The following SEC16B variants were observed in gnomAD, a reference collection of about 807,000 sequenced individuals.
SEC16B encodes the protein SEC16 homolog B, endoplasmic reticulum export factor, also known as protein transport protein Sec16B.
A neutral mutation model predicts 141.8 loss-of-function variants in SEC16B; 115 were observed. That is an observed-to-expected ratio of 0.81 (90% confidence interval 0.70 to 0.95). The LOEUF (loss-of-function observed/expected upper bound fraction) is 0.95, where lower values mean the gene tolerates loss of function less well. Ranked by LOEUF, SEC16B falls within the 40% of genes least tolerant of loss-of-function variation. The pLI, the probability that SEC16B is intolerant of heterozygous loss-of-function variation, is 0.00. For missense variants in SEC16B, 1,291 were observed against 1,312.3 expected, an observed-to-expected ratio of 0.98 and a Z score of 0.25; for synonymous variants, 493 against 492.5, an observed-to-expected ratio of 1.00 and a Z score of -0.01.
rs1378192157 is a variant in SEC16B, at chr1:177,933,994, C to CCCG, written c.2572-359_2572-358insCGG. Among the ~76,000 whole-genome samples, 283 of 150,340 alleles carry CCCG rather than the reference C, an allele frequency of 1.9e-3. 2 individuals carry two copies. Among genetic ancestry groups the CCCG allele is most frequent in the African/African-American group, 6.8e-3 (278 of 40,676 alleles). ...ACCCACAGAGGCCCACAAGCTCCCC[C>CCCG]CAAAAAAAAAAAAACAGAGAATGTA... On this transcript the variant is annotated intron_variant, in intron 20 of 25. Transcript: ENST00000308284.
upstream of SEC16B, among the ~76,000 whole-genome samples, chr1:177,970,780 C>T (rs3813655): frequency 0.14 from 22,026 of 152,198 alleles, 1,932 homozygotes; most frequent in East Asian, 0.42. Context: ...CACATGACTA[C>T]TTCTGAATTA....
Position 177,940,214 on chromosome 1 carries a change from G to A in SEC16B, c.2127+396C>T, listed in dbSNP as rs11804616. On this transcript the variant is annotated intron_variant, in intron 17 of 25. Transcript: ENST00000308284. ...TGTCAGAACAAAAAGGAAAAGGCCC[G>A]GAAGTCTTTTAAGCAATTGCCCCAC... 6.6e-3 allele frequency among the ~76,000 whole-genome samples: 999 copies of A among 152,306 alleles called. 8 individuals carry two copies. The highest frequency in any genetic ancestry group is 0.023 in the African/African-American group (947 of 41,562).
intron 2 of SEC16B, among the ~76,000 whole-genome samples, chr1:177,966,611 G>A (rs1353921784): frequency 6.6e-6 from 1 of 152,036 alleles, no homozygotes; most frequent in African/African-American, 2.4e-5. Flanking sequence ...TGTCACCCAG[G>A]CTGGAGTGCA....
At position 177,965,136 on chromosome 1, in the gene SEC16B, G is replaced by A. The variant is rs776283198; in HGVS notation, c.444C>T (p.His148=). ...GGTACTTTTGCTCTCGGTAATCTTC[G>A]TGCCAGATATAAGGACTCCGTTGCC... ...VPRQRSPYIW[H]EDYREQKYLD... Residue 148 remains histidine, a synonymous_variant, in exon 4 of 26, where the codon CAC becomes CAT. Coordinates refer to ENST00000308284, the MANE Select transcript of SEC16B (RefSeq NM_033127.4). 3.2e-5 allele frequency: 52 copies of A among 1,613,354 alleles called. No homozygotes were observed. In the East Asian group the frequency reaches 4.0e-4, roughly 12 times the overall value.
At position 177,932,486 on chromosome 1, in the gene SEC16B, T is replaced by C. The variant is rs373612687; in HGVS notation, c.3012+4A>G. The C allele has an allele frequency of 3.1e-5, 48 of 1,533,350 alleles. No homozygotes were observed. The African/African-American group carries it at 4.4e-4, about 14-fold the overall frequency. 95.0% of individuals were successfully genotyped at this position (1,533,350 alleles called of 1,614,324 possible). On this transcript the variant is annotated splice_donor_region_variant and intron_variant, in intron 24 of 25. Transcript: ENST00000308284. Reference sequence around the variant, plus strand: ...CGAGGCTCCAGCCCAGGGGGGCCGCTTACCTCTGGTCCAGACAAGCCTCCA... The same window carrying C: ...CGAGGCTCCAGCCCAGGGGGGCCGCCTACCTCTGGTCCAGACAAGCCTCCA...
chr1:177,935,662 GAA>G (rs60983376), intron 20 of SEC16B, among the ~76,000 whole-genome samples: 284 of 141,370 alleles, frequency 2.0e-3, no homozygotes, highest in African/African-American at 5.6e-3. Context: ...CTTCAGTCAG[GAA>G]AAAAAAAAAA....
In SEC16B at chr1:177,933,310, G is replaced by A; in HGVS notation, c.2727C>T (p.Ser909=). 1.9e-6 allele frequency: 3 copies of A among 1,598,312 alleles called. No individual in the cohort carries two copies. The highest frequency in any genetic ancestry group is 2.6e-6 in the Non-Finnish European group (3 of 1,172,098). ...ACCAGCTGAACCAGCCAAACCCTGAGCTCTGGAAGGGGAAGAGGACATTTT... is the reference window on the plus strand; with the variant it reads ...ACCAGCTGAACCAGCCAAACCCTGAACTCTGGAAGGGGAAGAGGACATTTT... ...KLGDGKEHTK[S]SGFGWFSWFR... The change falls in exon 22 of 26, where the codon AGC becomes AGT. Residue 909 remains serine (S), a splice_region_variant and synonymous_variant. Coordinates refer to ENST00000308284, the MANE Select transcript of SEC16B (RefSeq NM_033127.4).
intron 16 of SEC16B, 116 bp downstream of exon 16, chr1:177,941,784 C>G: frequency 8.2e-7 from 1 of 1,225,932 alleles, no homozygotes; most frequent in Non-Finnish European, 1.1e-6. Context: ...TGGCCGTGGG[C>G]TCCAATTTTA....
In SEC16B at chr1:177,964,264, G is replaced by A. The variant is rs752801952; in HGVS notation, c.549C>T (p.Asn183=). The change falls in exon 5 of 26, where the codon AAC becomes AAT. Residue 183 remains asparagine (N), a synonymous_variant. Coordinates refer to ENST00000308284, the MANE Select transcript of SEC16B (RefSeq NM_033127.4). The part of the protein sequence containing the change: ...SETHFQSNSR[N]PCKDSPASNS... ...TGGAAGCAGGGCTGTCTTTACAAGG[G>A]TTCCTACTGTTAGATCTGCAGCAAA... The A allele has an allele frequency of 4.3e-6, 7 of 1,612,738 alleles. No homozygotes were observed. The Admixed American group carries it at 1.0e-4, about 23-fold the overall frequency.
At position 177,933,989 on chromosome 1, in the gene SEC16B, TC is replaced by T. The variant is rs376497970; in HGVS notation, c.2572-354del. On this transcript the variant is annotated intron_variant, in intron 20 of 25. Coordinates refer to ENST00000308284, the MANE Select transcript of SEC16B (RefSeq NM_033127.4). ...AAACAACCCACAGAGGCCCACAAGC[TC>T]CCCCCAAAAAAAAAAAAACAGAGAA... 6.1e-3 allele frequency among the ~76,000 whole-genome samples: 798 copies of T among 130,980 alleles called. 11 individuals carry two copies. The highest frequency in any genetic ancestry group is 0.022 in the African/African-American group (749 of 34,684). 85.9% of individuals were successfully genotyped at this position (130,980 alleles called of 152,430 possible). A position where few individuals can be genotyped will look rare whatever the true frequency, so the allele number is the denominator to read the frequency against.
chr1:177,969,982 C>T lies in SEC16B; in HGVS notation c.-157G>A, dbSNP rs151139271. ...GGAGACTGTCAAAGTCCAGGTGCCACATCTACCAAGACTCCCCAGGCCCTC... is the reference window on the plus strand; with the variant it reads ...GGAGACTGTCAAAGTCCAGGTGCCATATCTACCAAGACTCCCCAGGCCCTC... On this transcript the variant is annotated 5_prime_UTR_variant, in exon 1 of 26. It adds an upstream start codon to the 5' untranslated region. Transcript: ENST00000308284. 2.0e-5 allele frequency: 3 copies of T among 152,436 alleles called. No homozygotes were observed. The highest frequency in any genetic ancestry group is 4.4e-5 in the Non-Finnish European group (3 of 68,136). 9.4% of individuals were successfully genotyped at this position (152,436 alleles called of 1,614,324 possible).
At chr1:177,955,394 T>C (rs11583928) in intron 10 of SEC16B, among the ~76,000 whole-genome samples, 39,224 of 152,078 alleles carry the variant, frequency 0.26, 5,964 homozygotes, top group East Asian at 0.54. Context: ...GTTGCCCAGG[T>C]TGGAGTGCAG....
intron 11 of SEC16B, 67 bp from the exon 12 acceptor site, chr1:177,952,062 C>G (rs1453535572): frequency 7.5e-7 from 1 of 1,326,974 alleles, no homozygotes; most frequent in Non-Finnish European, 1.1e-6. Flanking sequence ...GCCCACAAGG[C>G]TCAGGGCCTT....
chr1:177,977,150 C>A (rs1654199292), intron 1 of SEC16B, among the ~76,000 whole-genome samples: 1 of 152,140 alleles, frequency 6.6e-6, no homozygotes, highest in Non-Finnish European at 1.5e-5. Context: ...TTTACATGTG[C>A]AATGGGACAG....
intron 2 of SEC16B, among the ~76,000 whole-genome samples, chr1:177,966,308 C>T (rs954503): frequency 0.43 from 64,889 of 151,880 alleles, 14,066 homozygotes; most frequent in Non-Finnish European, 0.45. Context: ...ACTCCCCAAA[C>T]ACATACATAT....
At position 177,944,601 on chromosome 1, in the gene SEC16B, T is replaced by C. The variant is rs1292588538; in HGVS notation, c.1841A>G (p.Gln614Arg). 1 of 1,613,936 alleles carries C rather than the reference T, an allele frequency of 6.2e-7. No homozygotes were observed. Among genetic ancestry groups the C allele is most frequent in the South Asian group, 1.1e-5 (1 of 91,074 alleles). The change falls in exon 15 of 26, where the codon CAG becomes CGG. Residue 614 changes from glutamine to arginine, a missense_variant. Around this residue, in one of 3 missense-constraint regions of SEC16B, gnomAD observed 605 missense variants for 614.1 expected, o/e 0.99. Transcript: ENST00000308284. ...IQRTEIFEYC[Q>R]MLGRPKSFIP... ...GAAGGATTTGGGGCGGCCCAGCATC[T>C]GACAGTACTCGAAGATTTCCGTCCT... is the stretch of plus-strand genomic sequence containing the variant.
chr1:177,954,475 GC>G, intron 10 of SEC16B, 99 bp from the exon 11 acceptor site: 1 of 957,148 alleles, frequency 1.0e-6, no homozygotes, highest in Non-Finnish European at 1.6e-6. Context: ...CAGAGGCTAG[GC>G]TTCCAGAAAA....
chr1:177,946,072 G>C, intron 14 of SEC16B: 1 of 538,478 alleles, frequency 1.9e-6, no homozygotes, highest in Non-Finnish European at 3.3e-6. Flanking sequence ...TGCCTAACAC[G>C]GACCCACAAG....
intron 10 of SEC16B, among the ~76,000 whole-genome samples, chr1:177,957,646 C>T (rs905809548): frequency 1.3e-5 from 2 of 152,152 alleles, no homozygotes; most frequent in East Asian, 3.9e-4. Context: ...AAGCCTTTAT[C>T]CTTTGTGTTA....
Sources: allele counts gnomAD v4.1 joint callset (sites outside exome capture counted in the v4.1 genomes callset), GRCh38; gene constraint gnomAD v4.1.1; regional missense constraint gnomAD v4.1.1; transcripts MANE v1.5; gene names NCBI Gene and HGNC (gene_info 2026-07-23, HGNC 2026-07-21).